PHACTR1: variants seen among roughly 807,000 people sequenced by gnomAD.
PHACTR1 encodes the protein RPEL repeat containing 1.
Under a neutral mutation model 69.2 loss-of-function variants are expected in PHACTR1, and 16 were observed. The ratio of observed to expected loss-of-function variants is 0.23; its 90% CI spans 0.16 to 0.35. The LOEUF (loss-of-function observed/expected upper bound fraction) is 0.35, where lower values mean the gene tolerates loss of function less well. PHACTR1 is among the 10% of genes least tolerant of loss of function. The pLI, the probability that PHACTR1 is intolerant of heterozygous loss-of-function variation, is 1.00. For synonymous variants in PHACTR1, 312 were observed against 284.5 expected, an observed-to-expected ratio of 1.10 and a Z score of -0.97; for missense variants, 510 against 734.7, an observed-to-expected ratio of 0.69 and a Z score of 3.54.
At chr6:13,010,204 T>C (rs1211155051) in intron 4 of PHACTR1, among the ~76,000 whole-genome samples, 1 of 152,200 alleles carries the variant, frequency 6.6e-6, no homozygotes, top group Non-Finnish European at 1.5e-5. Flanking sequence ...CTCGGCTCAC[T>C]GCAATGTCTG....
At chr6:12,832,278 G>A (rs1777667870) in intron 4 of PHACTR1, among the ~76,000 whole-genome samples, 1 of 152,104 alleles carries the variant, frequency 6.6e-6, no homozygotes, top group Non-Finnish European at 1.5e-5. Context: ...CACTTGGAAA[G>A]AACATCTTAT....
chr6:13,025,036 G>C (rs1332935370), intron 4 of PHACTR1, among the ~76,000 whole-genome samples: 3 of 152,102 alleles, frequency 2.0e-5, no homozygotes, highest in Non-Finnish European at 1.5e-5. Flanking sequence ...CTGGTAGACT[G>C]CTTGAGCCCA....
intron 7 of PHACTR1, 96 bp from the exon 8 acceptor site, chr6:13,205,719 C>A: frequency 8.3e-7 from 1 of 1,204,940 alleles, no homozygotes; most frequent in Non-Finnish European, 1.2e-6. Context: ...AGGCTCAACT[C>A]ATTGGCCACA....
intron 11 of PHACTR1, among the ~76,000 whole-genome samples, chr6:13,277,018 G>A (rs773087366): frequency 1.7e-4 from 26 of 152,192 alleles, no homozygotes; most frequent in South Asian, 4.1e-4. Context: ...TAACGGCTGA[G>A]AATCACAGGC....
chr6:12,865,011 A>G (rs6901070), intron 4 of PHACTR1, among the ~76,000 whole-genome samples: 94,086 of 152,118 alleles, frequency 0.62, 30,620 homozygotes, highest in East Asian at 0.99. Flanking sequence ...GCTGGTTAGC[A>G]CTAGCCAAGG....
chr6:13,158,519 T>C (rs1758517854), intron 5 of PHACTR1, among the ~76,000 whole-genome samples: 1 of 152,242 alleles, frequency 6.6e-6, no homozygotes, highest in Non-Finnish European at 1.5e-5. Flanking sequence ...CTCCCTCATA[T>C]CACTTAATTC....
chr6:13,162,186 G>A (rs915281598), intron 6 of PHACTR1, among the ~76,000 whole-genome samples: 3 of 152,102 alleles, frequency 2.0e-5, no homozygotes, highest in African/African-American at 4.8e-5. Flanking sequence ...TGCAACCTCC[G>A]CCTCCTGGGT....
At chr6:12,784,321 CAT>C (rs201146958) in intron 4 of PHACTR1, among the ~76,000 whole-genome samples, 9,820 of 151,610 alleles carry the variant, frequency 0.065, 419 homozygotes, top group Admixed American at 0.1. Context: ...TCTATACACA[CAT>C]ATACATGATG....
At chr6:13,173,923 G>T (rs1760969857) in intron 6 of PHACTR1, among the ~76,000 whole-genome samples, 1 of 152,152 alleles carries the variant, frequency 6.6e-6, no homozygotes, top group African/African-American at 2.4e-5. Flanking sequence ...TGGCCAGGAT[G>T]GTCTCGATCT....
intron 6 of PHACTR1, among the ~76,000 whole-genome samples, chr6:13,173,187 G>T (rs1217364267): frequency 1.3e-5 from 2 of 152,158 alleles, no homozygotes; most frequent in Non-Finnish European, 2.9e-5. Context: ...TAATGTATTT[G>T]GTTGGTACAA....
chr6:12,904,306 A>G (rs1930429), intron 4 of PHACTR1, among the ~76,000 whole-genome samples: 150,996 of 152,182 alleles, frequency 0.99, 74,927 homozygotes, highest in East Asian at 1. Flanking sequence ...CCAGCAATAT[A>G]GGAGGCTCTG....
At chr6:13,205,709 A>T in intron 7 of PHACTR1, 106 bp from the exon 8 acceptor site, 1 of 1,079,322 alleles carries the variant, frequency 9.3e-7, no homozygotes, top group Non-Finnish European at 1.3e-6. Context: ...TTTACCTAAG[A>T]GGCTCAACTC....
At chr6:12,815,005 A>G (rs1460686568) in intron 4 of PHACTR1, among the ~76,000 whole-genome samples, 1 of 152,212 alleles carries the variant, frequency 6.6e-6, no homozygotes, top group Non-Finnish European at 1.5e-5. Context: ...TTTATCCATC[A>G]TGGTGCCAAC....
intron 8 of PHACTR1, among the ~76,000 whole-genome samples, chr6:13,222,814 A>G (rs1486957746): frequency 6.6e-6 from 1 of 152,220 alleles, no homozygotes; most frequent in East Asian, 1.9e-4. Context: ...ACTACAATGC[A>G]CAGGACAACC....
At chr6:13,036,606 C>G (rs1448140852) in intron 4 of PHACTR1, among the ~76,000 whole-genome samples, 1 of 152,180 alleles carries the variant, frequency 6.6e-6, no homozygotes, top group African/African-American at 2.4e-5. Flanking sequence ...AAACAACAGC[C>G]TCAGTTCAAA....
At chr6:12,882,724 G>A (rs1189866353) in intron 4 of PHACTR1, among the ~76,000 whole-genome samples, 4 of 152,136 alleles carry the variant, frequency 2.6e-5, no homozygotes, top group African/African-American at 4.8e-5. Flanking sequence ...CTTCTGGAAG[G>A]GTGGCTGTCT....
At chr6:12,866,974 C>G (rs1781525902) in intron 4 of PHACTR1, among the ~76,000 whole-genome samples, 4 of 152,182 alleles carry the variant, frequency 2.6e-5, no homozygotes, top group Admixed American at 1.3e-4. Flanking sequence ...TCCCTCCCCC[C>G]AGTTGCCCAT....
At chr6:13,252,141 TGGGCAGATCGCCTGAGCCCA>T (rs142579719) in intron 10 of PHACTR1, among the ~76,000 whole-genome samples, 10,941 of 145,714 alleles carry the variant, frequency 0.075, 656 homozygotes, top group Admixed American at 0.22. Flanking sequence ...GAGGCTGAGG[TGGGCAGATCGCCTGAGCCCA>T]GGGCAGATCG....
intron 6 of PHACTR1, among the ~76,000 whole-genome samples, chr6:13,165,214 CTTAAATG>C (rs1759612416): frequency 6.6e-6 from 1 of 152,104 alleles, no homozygotes; most frequent in African/African-American, 2.4e-5. Flanking sequence ...AAGAACACAA[CTTAAATG>C]TTAAGGTGAA....
Sources: allele counts gnomAD v4.1 joint callset (sites outside exome capture counted in the v4.1 genomes callset), GRCh38; gene constraint gnomAD v4.1.1; transcripts MANE v1.5; gene names NCBI Gene and HGNC (gene_info 2026-07-23, HGNC 2026-07-21).